DOCK11: variants seen among roughly 807,000 people sequenced by gnomAD.
DOCK11 encodes dedicator of cytokinesis protein 11.
In DOCK11, 70 loss-of-function variants were observed where a neutral mutation model predicts 169.1. The observed-to-expected ratio is 0.41, with a 90% confidence interval of 0.34 to 0.51. The LOEUF is 0.51. Among genes scored for constraint, DOCK11 ranks in the 20% least tolerant of loss-of-function variants. The pLI is 0.10. For missense variants in DOCK11, 1,166 were observed against 1,538.8 expected, an observed-to-expected ratio of 0.76 and a Z score of 4.05; for synonymous variants, 529 against 541.3, an observed-to-expected ratio of 0.98 and a Z score of 0.32.
chrX:118,501,157 T>G (rs771774722), intron 1 of DOCK11, among the ~76,000 whole-genome samples: 6 of 111,705 alleles, frequency 5.4e-5, no homozygotes, highest in Non-Finnish European at 1.1e-4. Flanking sequence ...TAGCTATATA[T>G]CTTTCTTTAC....
At chrX:118,506,264 A>AG (rs2057611261) in intron 1 of DOCK11, among the ~76,000 whole-genome samples, 1 of 110,867 alleles carries the variant, frequency 9.0e-6, no homozygotes, top group Admixed American at 9.5e-5. Flanking sequence ...CAAAAAAAAA[A>AG]AAAACAACAA....
intron 6 of DOCK11, among the ~76,000 whole-genome samples, chrX:118,551,144 G>A (rs973033872): frequency 6.3e-5 from 7 of 111,914 alleles, no homozygotes; most frequent in Non-Finnish European, 1.3e-4. Flanking sequence ...TCCAAGCTTC[G>A]ATAGCCCCTG....
rs2012117232 is a variant in DOCK11, at chrX:118,543,605, A to G, written c.392+12A>G. On this transcript the variant is annotated intron_variant, in intron 4 of 52. Transcript: ENST00000276202. ...CGAATGTTGCCATGGTAAGTTTAGC[A>G]TTCCAGGGAAACATGCAACAGGAGA... The G allele has an allele frequency of 4.2e-6, 5 of 1,177,849 alleles. No homozygotes were observed. Among genetic ancestry groups the G allele is most frequent in the Non-Finnish European group, 5.8e-6 (5 of 866,041 alleles).
At chrX:118,636,449 T>A in intron 36 of DOCK11, 37 bp downstream of exon 36, 1 of 749,390 alleles carries the variant, frequency 1.3e-6, no homozygotes, top group Non-Finnish European at 1.9e-6. Context: ...TACTTTCCCC[T>A]TATTTGGGGA....
intron 6 of DOCK11, among the ~76,000 whole-genome samples, chrX:118,546,600 G>C (rs112997328): frequency 0.01 from 1,129 of 112,177 alleles, 17 homozygotes; most frequent in South Asian, 0.066. Flanking sequence ...GTCCTTTAGT[G>C]CAGTGAGAAC....
chrX:118,671,782 C>A (rs1315252422), intron 46 of DOCK11, among the ~76,000 whole-genome samples: 6 of 111,909 alleles, frequency 5.4e-5, no homozygotes, highest in Admixed American at 9.4e-5. Flanking sequence ...CGAGTTCAAG[C>A]AGTTCTCCTG....
chrX:118,578,934 C>T (rs1452494225), intron 13 of DOCK11, among the ~76,000 whole-genome samples: 1 of 111,709 alleles, frequency 9.0e-6, no homozygotes, highest in Non-Finnish European at 1.9e-5. Context: ...TCCTTACAGC[C>T]CTACATGAAG....
Position 118,651,963 on chromosome X carries a change from G to A in DOCK11, c.4582-1G>A. 1 of 1,172,292 alleles carries A rather than the reference G, an allele frequency of 8.5e-7. No individual in the cohort carries two copies. Among genetic ancestry groups the A allele is most frequent in the Non-Finnish European group, 1.2e-6 (1 of 865,315 alleles). On this transcript the variant is annotated splice_acceptor_variant, in intron 41 of 52. Coordinates refer to ENST00000276202, the MANE Select transcript of DOCK11 (RefSeq NM_144658.4). LOFTEE classifies it high-confidence loss of function. The stretch of plus-strand genomic sequence containing the variant: ...AAAATAATATTTACTTCTTCCCACA[G>A]ATAATAATTGCTGTAAGCCAACTGA...
At chrX:118,681,308 G>A (rs1372294099) in intron 50 of DOCK11, 60 bp downstream of exon 50, 103 of 1,017,393 alleles carry the variant, frequency 1.0e-4, no homozygotes, top group Non-Finnish European at 1.3e-4. Flanking sequence ...GTTTTATAAG[G>A]GCACAGAGCA....
chrX:118,670,515 A>G (rs758891217), intron 45 of DOCK11, among the ~76,000 whole-genome samples: 46 of 111,074 alleles, frequency 4.1e-4, no homozygotes, highest in African/African-American at 1.5e-3. Context: ...TTTAATACCA[A>G]CCCACAAAAA....
chrX:118,548,007 C>G (rs1338364105), intron 6 of DOCK11, among the ~76,000 whole-genome samples: 4 of 111,353 alleles, frequency 3.6e-5, no homozygotes, highest in Non-Finnish European at 7.5e-5. Context: ...ATGATCACAC[C>G]ACTGCACTCC....
In DOCK11 at chrX:118,641,293, T is replaced by G. The variant is rs137900857; in HGVS notation, c.4248T>G (p.Thr1416=). 9 of 1,182,631 alleles carry G rather than the reference T, an allele frequency of 7.6e-6. No individual in the cohort carries two copies. The African/African-American group carries it at 1.6e-4, about 21-fold the overall frequency. The part of the protein sequence containing the change: ...LTVLDTISFF[T]QCFKTQLLNN... ...TACTAGACACCATATCATTTTTCACTCAGTGCTTCAAGGTAAAAATGAAGA... is the reference window on the plus strand; with the variant it reads ...TACTAGACACCATATCATTTTTCACGCAGTGCTTCAAGGTAAAAATGAAGA... The change falls in exon 39 of 53, where the codon ACT becomes ACG. Residue 1416 remains threonine (T), a synonymous_variant. Coordinates refer to ENST00000276202, the MANE Select transcript of DOCK11 (RefSeq NM_144658.4).
At chrX:118,593,951 A>G (rs1207738558) in intron 20 of DOCK11, among the ~76,000 whole-genome samples, 1 of 112,228 alleles carries the variant, frequency 8.9e-6, no homozygotes, top group Non-Finnish European at 1.9e-5. Context: ...TCAAAAAGAA[A>G]CACATATTGC....
intron 44 of DOCK11, 64 bp downstream of exon 44, chrX:118,655,025 G>A: frequency 3.9e-6 from 4 of 1,030,793 alleles, no homozygotes; most frequent in Non-Finnish European, 5.4e-6. Flanking sequence ...TTTTATCTTT[G>A]TAGTTTAGCT....
At chrX:118,673,349 G>A (rs772542221) in intron 46 of DOCK11, among the ~76,000 whole-genome samples, 149 of 111,702 alleles carry the variant, frequency 1.3e-3, no homozygotes, top group Non-Finnish European at 1.5e-3. Context: ...ATACACGCCT[G>A]TGATTCCGGC....
At chrX:118,626,743 CTGAG>C (rs2015115149) in intron 32 of DOCK11, among the ~76,000 whole-genome samples, 1 of 112,324 alleles carries the variant, frequency 8.9e-6, no homozygotes, top group South Asian at 3.6e-4. Context: ...CTACACCTAC[CTGAG>C]TGTCAGGCTG....
At chrX:118,507,039 C>G (rs1163298909) in intron 1 of DOCK11, among the ~76,000 whole-genome samples, 1 of 112,576 alleles carries the variant, frequency 8.9e-6, no homozygotes, top group Non-Finnish European at 1.9e-5. Context: ...CTTGCACAAT[C>G]ATGCCTAAAT....
At chrX:118,677,688 A>G (rs1217331034) in intron 48 of DOCK11, among the ~76,000 whole-genome samples, 1 of 112,610 alleles carries the variant, frequency 8.9e-6, no homozygotes, top group Non-Finnish European at 1.9e-5. Flanking sequence ...AGATGACTTT[A>G]TCTTAAACAC....
chrX:118,625,743 C>T (rs1012785250), intron 32 of DOCK11, among the ~76,000 whole-genome samples: 2 of 111,816 alleles, frequency 1.8e-5, no homozygotes. Flanking sequence ...TCTCCTTCAG[C>T]ACTTCTTGGT....
Sources: allele counts gnomAD v4.1 joint callset (sites outside exome capture counted in the v4.1 genomes callset), GRCh38; gene constraint gnomAD v4.1.1; transcripts MANE v1.5; gene names NCBI Gene and HGNC (gene_info 2026-07-23, HGNC 2026-07-21).